The following FGD6 variants were observed in gnomAD, a reference collection of about 807,000 sequenced individuals.
FGD6 encodes FYVE, RhoGEF and PH domain containing 6.
A neutral mutation model predicts 149.4 loss-of-function variants in FGD6; 90 were observed. The observed-to-expected ratio is 0.60, with a 90% CI of 0.51 to 0.72. The LOEUF is 0.72. Ranked by LOEUF, FGD6 falls within the 30% of genes least tolerant of loss-of-function variation. FGD6 has a pLI of 0.00. For missense variants in FGD6, 1,437 were observed against 1,684.8 expected (o/e 0.85, Z 2.57); for synonymous variants, 527 against 584.0 (o/e 0.90, Z 1.41).
intron 12 of FGD6, 64 bp downstream of exon 12, chr12:95,107,499 C>T (rs1592834522): frequency 1.2e-5 from 18 of 1,525,286 alleles, no homozygotes; most frequent in Middle Eastern, 1.7e-4. Flanking sequence ...CATGTATAAA[C>T]GTCTCCTTTC....
rs2056724570 is a variant in FGD6 at position 95,211,141 on chromosome 12, A to T, written c.143T>A (p.Met48Lys). ...TGGTTTTGGGGCTATTGCTGGTTTC[A>T]TTTTCTTTGTCGACTGTGGAACACT... Reference protein sequence around the residue: ...ISSVPQSTKKMKPAIAPKPKV... With the variant: ...ISSVPQSTKKKKPAIAPKPKV... Residue 48 changes from methionine to lysine, a missense_variant, in exon 2 of 21, where the codon ATG (methionine) becomes AAG (lysine). By Grantham distance (95) the Met-to-Lys change is moderately conservative. This residue lies in a region of FGD6 where 1,055 missense variants were observed against 1,146.0 expected (regional missense o/e 0.92). Transcript: ENST00000343958. 6.2e-7 allele frequency: 1 copy of T among 1,613,886 alleles called. No homozygotes were observed. The highest frequency in any genetic ancestry group is 8.5e-7 in the Non-Finnish European group (1 of 1,179,988).
chr12:95,177,210 T>C (rs374801649), intron 2 of FGD6, among the ~76,000 whole-genome samples: 19 of 152,294 alleles, frequency 1.2e-4, no homozygotes, highest in Middle Eastern at 6.8e-3. Flanking sequence ...TAAGCCAGCA[T>C]AGCAACTGCC....
intron 2 of FGD6, among the ~76,000 whole-genome samples, chr12:95,205,300 T>C (rs1301728207): frequency 6.6e-6 from 1 of 151,786 alleles, no homozygotes; most frequent in Non-Finnish European, 1.5e-5. Context: ...AAGCAATGGA[T>C]TTATGAAACA....
chr12:95,189,507 G>A (rs898207424), intron 2 of FGD6: 1 of 152,136 alleles, frequency 6.6e-6, no homozygotes, highest in Non-Finnish European at 1.5e-5. Flanking sequence ...AATTAGCTGG[G>A]TGTGGTGCCG....
At chr12:95,107,694 C>T in intron 11 of FGD6, 63 bp from the exon 12 acceptor site, 1 of 1,555,322 alleles carries the variant, frequency 6.4e-7, no homozygotes, top group South Asian at 1.1e-5. Flanking sequence ...AATATAATTT[C>T]CTTTTCAACT....
chr12:95,099,575 C>A (rs1185400406), intron 14 of FGD6, among the ~76,000 whole-genome samples: 1 of 152,116 alleles, frequency 6.6e-6, no homozygotes, highest in Non-Finnish European at 1.5e-5. Context: ...TCAATGATTT[C>A]CCCTGCAGAG....
intron 2 of FGD6, among the ~76,000 whole-genome samples, chr12:95,176,063 C>T (rs891683966): frequency 2.0e-5 from 3 of 152,144 alleles, no homozygotes; most frequent in Non-Finnish European, 4.4e-5. Flanking sequence ...CAACTGTTGT[C>T]AGCTTCTGAA....
rs1392268377 is a variant in FGD6 at position 95,149,202 on chromosome 12, ATAT to A, written c.2685+3606_2685+3608del. Among the ~76,000 whole-genome samples the A allele has an allele frequency of 5.5e-3, 13 of 2,382 alleles. 5 individuals carry two copies. The highest frequency in any genetic ancestry group is 0.037 in the African/African-American group (2 of 54). 1.6% of individuals were successfully genotyped at this position (2,382 alleles called of 152,430 possible). On this transcript the variant is annotated intron_variant, in intron 5 of 20. Transcript: ENST00000343958. Reference sequence around the variant, plus strand: ...TATTATATAATATATAGCATATATAATATTATATATTATATAATATATAGCATA... The same window carrying A: ...TATTATATAATATATAGCATATATAATATATATTATATAATATATAGCATA...
intron 9 of FGD6, among the ~76,000 whole-genome samples, chr12:95,112,041 C>T (rs1016591339): frequency 1.3e-5 from 2 of 151,820 alleles, no homozygotes; most frequent in Non-Finnish European, 2.9e-5. Context: ...CGAGACCAGC[C>T]TGGGCAAGAT....
rs1479300129 is a variant in FGD6 at position 95,172,709 on chromosome 12, C to A, written c.2477G>T (p.Gly826Val). 1.2e-6 allele frequency: 2 copies of A among 1,612,830 alleles called. No homozygotes were observed. The highest frequency in any genetic ancestry group is 2.2e-5 in the South Asian group (2 of 90,730). The change falls in exon 3 of 21, where the codon GGT becomes GTT. Residue 826 changes from glycine (G) to valine (V), a missense_variant. Physicochemically the swap from Gly to Val is moderately radical, Grantham distance 109 (BLOSUM62 -3). Transcript: ENST00000343958. ...GASQEEQNDL[G>V]LGDLPSDEEE... ...CTCATCAGAGGGAAGGTCACCAAGA[C>A]CAAGATCATTCTGTTCCTCCTGGGA...
intron 2 of FGD6, among the ~76,000 whole-genome samples, chr12:95,173,280 AG>A (rs1489636681): frequency 1.3e-5 from 2 of 152,198 alleles, no homozygotes; most frequent in Admixed American, 1.3e-4. Flanking sequence ...AGACATGGGG[AG>A]GAAGAGGAAA....
intron 14 of FGD6, among the ~76,000 whole-genome samples, chr12:95,095,913 C>T (rs905347996): frequency 6.6e-6 from 1 of 151,594 alleles, no homozygotes; most frequent in African/African-American, 2.4e-5. Context: ...ACTCAGGGGG[C>T]TGAGGCAGGA....
At chr12:95,124,886 T>G (rs1026240509) in intron 8 of FGD6, among the ~76,000 whole-genome samples, 6 of 152,126 alleles carry the variant, frequency 3.9e-5, no homozygotes, top group Non-Finnish European at 7.3e-5. Flanking sequence ...CTCTTAGCAC[T>G]CCTCTCACCC....
Position 95,141,507 on chromosome 12 carries a change from C to T in FGD6, c.2718G>A (p.Arg906=). ...DFRDAVAHAS[R]QLGKPVIEDR... ...CCTCAATCACTGGTTTCCCAAGTTG[C>T]CTGGAAGCATGAGCTACTGCATCCC... Residue 906 remains arginine, a synonymous_variant, in exon 6 of 21, where the codon AGG becomes AGA. Coordinates refer to ENST00000343958, the MANE Select transcript of FGD6 (RefSeq NM_018351.4). 1 of 1,614,058 alleles carries T rather than the reference C, an allele frequency of 6.2e-7. No homozygotes were observed. Among genetic ancestry groups the T allele is most frequent in the Non-Finnish European group, 8.5e-7 (1 of 1,179,990 alleles).
At chr12:95,152,537 A>G (rs1225186227) in intron 5 of FGD6, among the ~76,000 whole-genome samples, 1 of 152,208 alleles carries the variant, frequency 6.6e-6, no homozygotes, top group African/African-American at 2.4e-5. Flanking sequence ...CTCTTCATGT[A>G]TTGCTAATGC....
At chr12:95,100,974 C>T (rs1284537998) in intron 14 of FGD6, 4 of 365,260 alleles carry the variant, frequency 1.1e-5, no homozygotes, top group African/African-American at 6.4e-5. Context: ...ATGAGATTCA[C>T]GGGGTAGTTA....
At chr12:95,131,687 A>G (rs995304877) in intron 8 of FGD6, among the ~76,000 whole-genome samples, 9 of 152,202 alleles carry the variant, frequency 5.9e-5, no homozygotes, top group Non-Finnish European at 1.2e-4. Flanking sequence ...CTTTAATTTT[A>G]GTCCTGATTT....
intron 2 of FGD6, among the ~76,000 whole-genome samples, chr12:95,200,059 T>TAAAAC (rs1269258206): frequency 6.6e-6 from 1 of 152,278 alleles, no homozygotes; most frequent in African/African-American, 2.4e-5. Flanking sequence ...TTTTCAGATA[T>TAAAAC]AAAACAAAAC....
intron 3 of FGD6, among the ~76,000 whole-genome samples, chr12:95,154,158 C>T (rs1880399295): frequency 6.6e-6 from 1 of 152,106 alleles, no homozygotes; most frequent in South Asian, 2.1e-4. Context: ...GACGGGGTTT[C>T]ACCATGTTAG....
Sources: allele counts gnomAD v4.1 joint callset (sites outside exome capture counted in the v4.1 genomes callset), GRCh38; gene constraint gnomAD v4.1.1; regional missense constraint gnomAD v4.1.1; transcripts MANE v1.5; gene names NCBI Gene and HGNC (gene_info 2026-07-23, HGNC 2026-07-21).